NEDD4L: variants seen among roughly 807,000 people sequenced by gnomAD.
NEDD4L encodes E3 ubiquitin-protein ligase NEDD4-like.
A neutral mutation model predicts 148.9 loss-of-function variants in NEDD4L; 54 were observed. The ratio of observed to expected loss-of-function variants is 0.36; its 90% CI spans 0.29 to 0.45. NEDD4L has a LOEUF of 0.45. NEDD4L is among the 20% of genes least tolerant of loss of function. The pLI is 1.00. For synonymous variants in NEDD4L, 433 were observed against 440.7 expected, an observed-to-expected ratio of 0.98 and a Z score of 0.22; for missense variants, 856 against 1,233.8, an observed-to-expected ratio of 0.69 and a Z score of 4.59.
chr18:58,350,177 G>A (rs571222929), intron 17 of NEDD4L, among the ~76,000 whole-genome samples: 75 of 152,282 alleles, frequency 4.9e-4, no homozygotes, highest in Admixed American at 4.4e-3. Flanking sequence ...TGAAAAAGCC[G>A]TAGGGGGTGA....
intron 1 of NEDD4L, among the ~76,000 whole-genome samples, chr18:58,086,874 T>C (rs2083787088): frequency 6.6e-6 from 1 of 152,250 alleles, no homozygotes; most frequent in Non-Finnish European, 1.5e-5. Flanking sequence ...AGTTAACCTG[T>C]TTCCATCTGA....
chr18:58,249,062 G>T, intron 4 of NEDD4L, 125 bp downstream of exon 4: 1 of 553,530 alleles, frequency 1.8e-6, no homozygotes, highest in South Asian at 3.0e-5. Flanking sequence ...TGAAAAATAG[G>T]TAGCCTCCTA....
intron 11 of NEDD4L, among the ~76,000 whole-genome samples, chr18:58,333,180 A>C (rs531459884): frequency 3.9e-5 from 6 of 151,900 alleles, no homozygotes; most frequent in Admixed American, 1.3e-4. Flanking sequence ...CAGGAGGCTG[A>C]GACAGGAGAA....
At chr18:58,108,763 C>T (rs1196819162) in intron 1 of NEDD4L, among the ~76,000 whole-genome samples, 1 of 152,314 alleles carries the variant, frequency 6.6e-6, no homozygotes, top group African/African-American at 2.4e-5. Context: ...ATAATAGAGA[C>T]TGGATTTTGA....
At chr18:58,097,928 C>T (rs980611747) in intron 1 of NEDD4L, among the ~76,000 whole-genome samples, 3 of 152,002 alleles carry the variant, frequency 2.0e-5, no homozygotes, top group East Asian at 1.9e-4. Flanking sequence ...ACTTGGGAGG[C>T]GGATGTGGGA....
At chr18:58,307,040 C>G (rs1021871779) in intron 5 of NEDD4L, among the ~76,000 whole-genome samples, 4 of 152,212 alleles carry the variant, frequency 2.6e-5, no homozygotes, top group Non-Finnish European at 5.9e-5. Context: ...AAAGCTGGAG[C>G]TTTTCCCCCA....
chr18:58,063,862 G>C (rs999648119), intron 1 of NEDD4L, among the ~76,000 whole-genome samples: 13 of 149,782 alleles, frequency 8.7e-5, no homozygotes, highest in Admixed American at 8.0e-4. Context: ...CCGTAGTGCA[G>C]TATTTTTAAG....
intron 1 of NEDD4L, among the ~76,000 whole-genome samples, chr18:58,059,927 A>G (rs951656432): frequency 1.3e-5 from 2 of 152,166 alleles, no homozygotes; most frequent in Non-Finnish European, 2.9e-5. Context: ...AAAATAACAT[A>G]AATCCTCACA....
Position 58,044,561 on chromosome 18 carries a change from G to A in NEDD4L, c.-100G>A, listed in dbSNP as rs2081484592. 1.4e-6 allele frequency: 2 copies of A among 1,383,316 alleles called. No homozygotes were observed. Among genetic ancestry groups the A allele is most frequent in the East Asian group, 5.9e-5 (2 of 34,148 alleles). 85.7% of individuals were successfully genotyped at this position (1,383,316 alleles called of 1,614,324 possible). On this transcript the variant is annotated 5_prime_UTR_variant, in exon 1 of 31. Coordinates refer to ENST00000400345, the MANE Select transcript of NEDD4L (RefSeq NM_001144967.3). The stretch of plus-strand genomic sequence containing the variant: ...CGGCAGGGCGTGCGCAGGGTAGGGT[G>A]CGGGACCGGGGGGACCTGGAGGCAG...
At chr18:58,045,483 G>T (rs2081535693) in intron 1 of NEDD4L, 1 of 196,548 alleles carries the variant, frequency 5.1e-6, no homozygotes, top group African/African-American at 2.3e-5. Context: ...CCTCCCAGGC[G>T]GTCGGTTTCA....
intron 1 of NEDD4L, among the ~76,000 whole-genome samples, chr18:58,137,675 C>T (rs1487666586): frequency 2.0e-5 from 3 of 152,136 alleles, no homozygotes; most frequent in Non-Finnish European, 2.9e-5. Context: ...AATTTTCAAA[C>T]TTGATTTCCA....
At chr18:58,369,981 C>T (rs924362844) in intron 22 of NEDD4L, among the ~76,000 whole-genome samples, 1 of 152,250 alleles carries the variant, frequency 6.6e-6, no homozygotes, top group Non-Finnish European at 1.5e-5. Context: ...CACCCCAACT[C>T]TCCAGCACCC....
At chr18:58,287,373 A>G (rs1417827548) in intron 5 of NEDD4L, among the ~76,000 whole-genome samples, 1 of 152,206 alleles carries the variant, frequency 6.6e-6, no homozygotes, top group Admixed American at 6.5e-5. Context: ...CCACAAGAAG[A>G]AAGATAGAGG....
At chr18:58,219,672 A>G (rs1433017171) in intron 2 of NEDD4L, among the ~76,000 whole-genome samples, 1 of 152,208 alleles carries the variant, frequency 6.6e-6, no homozygotes, top group Non-Finnish European at 1.5e-5. Context: ...GGGCACAGTC[A>G]TATTGGATTG....
intron 1 of NEDD4L, among the ~76,000 whole-genome samples, chr18:58,078,666 T>G (rs1439066162): frequency 6.6e-6 from 1 of 152,198 alleles, no homozygotes; most frequent in Admixed American, 6.5e-5. Flanking sequence ...GAAAACAATA[T>G]GTACAATGGA....
chr18:58,220,646 G>A (rs1206117677), intron 2 of NEDD4L, among the ~76,000 whole-genome samples: 2 of 152,220 alleles, frequency 1.3e-5, no homozygotes, highest in African/African-American at 4.8e-5. Flanking sequence ...GAGTGAGCAT[G>A]CCACCACATT....
chr18:58,256,299 C>T lies in NEDD4L; in HGVS notation c.297+4245C>T. On this transcript the variant is annotated intron_variant, in intron 5 of 30. Transcript: ENST00000400345. This position sits in a 1 kb window ranked among gnomAD's most constrained non-coding sequence, Gnocchi z 5.2. Reference sequence around the variant, plus strand: ...GATGGCCAGGGCGGCCCGGCCGCGGCAGAGCCCAGGCGCTGGTCCCTGCAG... The same window carrying T: ...GATGGCCAGGGCGGCCCGGCCGCGGTAGAGCCCAGGCGCTGGTCCCTGCAG... 8.1e-7 allele frequency: 1 copy of T among 1,231,752 alleles called. No homozygotes were observed. The highest frequency in any genetic ancestry group is 3.2e-5 in the East Asian group (1 of 31,706). The allele number at this position is 1,231,752 out of a possible 1,614,324, so 76.3% of individuals were successfully genotyped here.
rs181614658 is a variant in NEDD4L at position 58,274,412 on chromosome 18, G to T, written c.297+22358G>T. ...GCTCCCTGGAGTGTGGGATGAAGGA[G>T]TGCTTGGCCCAGTTGTTTTCCCGGA... On this transcript the variant is annotated intron_variant, in intron 5 of 30. Coordinates refer to ENST00000400345, the MANE Select transcript of NEDD4L (RefSeq NM_001144967.3). Among the ~76,000 whole-genome samples, 244 of 152,330 alleles carry T rather than the reference G, an allele frequency of 1.6e-3. 1 individual carries two copies. The highest frequency in any genetic ancestry group is 5.7e-3 in the African/African-American group (235 of 41,560).
chr18:58,176,128 A>T (rs141842146), intron 2 of NEDD4L, among the ~76,000 whole-genome samples: 12 of 152,224 alleles, frequency 7.9e-5, no homozygotes, highest in African/African-American at 2.9e-4. Flanking sequence ...TTTCCACATA[A>T]GCTTTTTTCT....
Sources: allele counts gnomAD v4.1 joint callset (sites outside exome capture counted in the v4.1 genomes callset), GRCh38; gene constraint gnomAD v4.1.1; non-coding constraint Gnocchi (gnomAD v3.1); transcripts MANE v1.5; gene names NCBI Gene and HGNC (gene_info 2026-07-23, HGNC 2026-07-21).